EXOC4: variants seen among roughly 807,000 people sequenced by gnomAD.
EXOC4 encodes the protein SEC8-like 1.
A neutral mutation model predicts 107.2 loss-of-function variants in EXOC4; 71 were observed. That is an observed-to-expected ratio of 0.66 (90% CI 0.55 to 0.81). The LOEUF (loss-of-function observed/expected upper bound fraction) is 0.81. EXOC4 is among the 30% of genes least tolerant of loss of function. The pLI, the probability that EXOC4 is intolerant of heterozygous loss-of-function variation, is 0.00. For missense variants in EXOC4, 1,108 were observed against 1,189.6 expected, an observed-to-expected ratio of 0.93 and a Z score of 1.01; for synonymous variants, 456 against 441.2, an observed-to-expected ratio of 1.03 and a Z score of -0.42.
At chr7:133,358,411 G>A (rs1166737971) in intron 6 of EXOC4, among the ~76,000 whole-genome samples, 2 of 152,146 alleles carry the variant, frequency 1.3e-5, no homozygotes, top group Admixed American at 1.3e-4. Flanking sequence ...ATGCCTGCTT[G>A]TATAAAATGC....
chr7:133,847,875 A>AT (rs55923568), intron 11 of EXOC4, among the ~76,000 whole-genome samples: 9,542 of 84,968 alleles, frequency 0.11, 1,429 homozygotes, highest in African/African-American at 0.15. Context: ...TGCCCAGCTA[A>AT]TTTTTTTTTT....
At chr7:134,076,351 A>G in the EXOC4 span, among the ~76,000 whole-genome samples, 1 of 152,144 alleles carries the variant, frequency 6.6e-6, no homozygotes, top group Non-Finnish European at 1.5e-5. Flanking sequence ...CCCCGTCTCT[A>G]CTAAAAATAC....
intron 1 of EXOC4, among the ~76,000 whole-genome samples, chr7:133,266,560 G>A (rs1438355133): frequency 1.3e-5 from 2 of 152,050 alleles, no homozygotes; most frequent in Non-Finnish European, 2.9e-5. Context: ...TGCTTTTCTG[G>A]CTTATATTAA....
At chr7:133,536,754 G>A (rs896955482) in intron 9 of EXOC4, among the ~76,000 whole-genome samples, 3 of 151,942 alleles carry the variant, frequency 2.0e-5, no homozygotes, top group Non-Finnish European at 2.9e-5. Flanking sequence ...TTAATGCTTC[G>A]TCACATGTGT....
At chr7:133,857,966 T>C (rs1213388967) in intron 11 of EXOC4, among the ~76,000 whole-genome samples, 2 of 152,190 alleles carry the variant, frequency 1.3e-5, no homozygotes, top group African/African-American at 4.8e-5. Flanking sequence ...TCCCGTCACA[T>C]GGGGTAGCCG....
Position 133,843,529 on chromosome 7 carries a change from C to T in EXOC4, c.1734+25985C>T, listed in dbSNP as rs375770233. Among the ~76,000 whole-genome samples the T allele has an allele frequency of 2.6e-5, 4 of 152,276 alleles. No individual in the cohort carries two copies. The East Asian group carries it at 5.8e-4, about 22-fold the overall frequency. ...TGTACATTGATTTTGTATCCTGAAA[C>T]TTTGCCAAAGTTGCTTATCAGATCA... On this transcript the variant is annotated intron_variant, in intron 11 of 17. Transcript: ENST00000253861.
In EXOC4 at chr7:133,269,164, T is replaced by C. The variant is rs149946350; in HGVS notation, c.87-5818T>C. Among the ~76,000 whole-genome samples the C allele has an allele frequency of 1.6e-3, 240 of 152,320 alleles. 2 individuals carry two copies. The highest frequency in any genetic ancestry group is 6.8e-3 in the Middle Eastern group (2 of 292). ...ATCTTGCCCAGATTCAAGACTGTTA[T>C]TACTAAAAAAGCTGCTTGGTGCTCT... On this transcript the variant is annotated intron_variant, in intron 1 of 17. Transcript: ENST00000253861.
intron 5 of EXOC4, among the ~76,000 whole-genome samples, chr7:133,331,461 CTTTTTTTT>C (rs58568173): frequency 2.3e-5 from 2 of 85,592 alleles, no homozygotes; most frequent in Non-Finnish European, 4.6e-5. Context: ...TTTCTTTTTT[CTTTTTTTT>C]TTTTTTTTTT....
At chr7:134,090,488 A>T in the EXOC4 span, among the ~76,000 whole-genome samples, 4 of 152,304 alleles carry the variant, frequency 2.6e-5, no homozygotes, top group Middle Eastern at 3.4e-3. Flanking sequence ...AGCCTCTCAA[A>T]TCCTTTTTCC....
chr7:133,433,947 A>G (rs1473901274), intron 7 of EXOC4, among the ~76,000 whole-genome samples: 1 of 152,192 alleles, frequency 6.6e-6, no homozygotes, highest in Non-Finnish European at 1.5e-5. Flanking sequence ...AGCTAGTTGT[A>G]TGTCCTTAGT....
chr7:134,080,675 T>A, the EXOC4 span, among the ~76,000 whole-genome samples: 3 of 151,906 alleles, frequency 2.0e-5, no homozygotes, highest in African/African-American at 4.8e-5. Flanking sequence ...AGGTGCAGTG[T>A]CTCATGCCCA....
intron 9 of EXOC4, among the ~76,000 whole-genome samples, chr7:133,490,624 A>C (rs767215333): frequency 2.0e-5 from 3 of 152,206 alleles, no homozygotes; most frequent in Non-Finnish European, 4.4e-5. Flanking sequence ...TTATATATAC[A>C]GATTTTTACT....
intron 14 of EXOC4, among the ~76,000 whole-genome samples, chr7:133,969,999 G>A (rs1477395765): frequency 2.6e-5 from 4 of 152,178 alleles, no homozygotes; most frequent in Admixed American, 6.5e-5. Context: ...TTATCCATAA[G>A]CCCCTGACTG....
At chr7:133,698,154 G>A (rs1217208732) in intron 10 of EXOC4, among the ~76,000 whole-genome samples, 1 of 151,876 alleles carries the variant, frequency 6.6e-6, no homozygotes, top group Admixed American at 6.6e-5. Context: ...TGTGACCTTG[G>A]TTGTGTTGTG....
chr7:133,917,867 A>G (rs1318992528), intron 13 of EXOC4, 129 bp downstream of exon 13: 3 of 875,184 alleles, frequency 3.4e-6, no homozygotes, highest in Admixed American at 5.9e-5. Context: ...TTAGTAAAAT[A>G]TGTTTTCCTC....
intron 9 of EXOC4, among the ~76,000 whole-genome samples, chr7:133,481,464 G>C (rs537094264): frequency 9.9e-5 from 15 of 152,138 alleles, no homozygotes; most frequent in African/African-American, 3.1e-4. Flanking sequence ...TAGTCTTTAA[G>C]ACTCATAATT....
At chr7:133,929,340 C>T (rs1426189262) in intron 13 of EXOC4, among the ~76,000 whole-genome samples, 1 of 150,850 alleles carries the variant, frequency 6.6e-6, no homozygotes, top group Non-Finnish European at 1.5e-5. Flanking sequence ...GGTTATTTAA[C>T]CATGGGTAAT....
intron 5 of EXOC4, among the ~76,000 whole-genome samples, chr7:133,330,646 GGCACAGTCCC>G (rs927369523): frequency 8.1e-5 from 9 of 110,650 alleles, no homozygotes; most frequent in Non-Finnish European, 1.7e-4. Context: ...CTCACGGCAC[GGCACAGTCCC>G]TCACAGTCCC....
chr7:133,512,165 C>T (rs554376294), intron 9 of EXOC4, among the ~76,000 whole-genome samples: 9 of 152,318 alleles, frequency 5.9e-5, no homozygotes, highest in African/African-American at 1.7e-4. Context: ...CATGGTGGCT[C>T]ACGCCTGTAA....
Sources: allele counts gnomAD v4.1 joint callset (sites outside exome capture counted in the v4.1 genomes callset), GRCh38; gene constraint gnomAD v4.1.1; transcripts MANE v1.5; gene names NCBI Gene and HGNC (gene_info 2026-07-23, HGNC 2026-07-21).